Variants in TLDC2 observed in about 807,000 individuals in gnomAD.
TLDC2 encodes the protein TBC/LysM-associated domain containing 2, also known as TLD domain-containing protein 2.
In TLDC2, 23 loss-of-function variants were observed where a neutral mutation model predicts 27.9. That is an observed-to-expected ratio of 0.82 (90% CI 0.59 to 1.17). TLDC2 has a LOEUF of 1.17. Among genes scored for constraint, TLDC2 ranks in the 50% most tolerant of loss-of-function variants. The probability of loss-of-function intolerance (pLI) is 0.00; values close to 1 mark genes in which losing one functional copy is unlikely to be tolerated. For synonymous variants in TLDC2, 124 were observed against 107.4 expected, an observed-to-expected ratio of 1.16 and a Z score of -0.96; for missense variants, 286 against 273.4, an observed-to-expected ratio of 1.05 and a Z score of -0.32.
intron 4 of TLDC2, 42 bp downstream of exon 4, chr20:36,880,792 C>T (rs372361040): frequency 8.2e-6 from 13 of 1,577,562 alleles, no homozygotes; most frequent in South Asian, 3.3e-5. Context: ...GGGCGTGTGG[C>T]GAGACAAAGC....
At chr20:36,885,229 G>A (rs757038993) in intron 4 of TLDC2, among the ~76,000 whole-genome samples, 2 of 152,062 alleles carry the variant, frequency 1.3e-5, no homozygotes, top group Admixed American at 6.6e-5. Flanking sequence ...AAGTCAGTCC[G>A]TTGAGGCAGA....
In TLDC2 at chr20:36,880,755, T is replaced by A. The variant is rs780152005; in HGVS notation, c.438+5T>A. The A allele has an allele frequency of 6.2e-6, 10 of 1,613,358 alleles. No individual in the cohort carries two copies. The East Asian group carries it at 2.2e-4, about 36-fold the overall frequency. On this transcript the variant is annotated splice_donor_5th_base_variant and intron_variant, in intron 4 of 6. Coordinates refer to ENST00000217320, the MANE Select transcript of TLDC2 (RefSeq NM_080628.3). The stretch of plus-strand genomic sequence containing the variant: ...TCCTTCTCCCCACAGCTGAAGGTGA[T>A]GTTCCCAACCTTCCATGGGGGGAGT...
At chr20:36,883,543 C>T (rs1422927922) in intron 4 of TLDC2, among the ~76,000 whole-genome samples, 1 of 152,182 alleles carries the variant, frequency 6.6e-6, no homozygotes, top group East Asian at 1.9e-4. Flanking sequence ...ATGGCATCTC[C>T]ATCTCCCGCT....
At chr20:36,892,810 G>A in intron 6 of TLDC2, 52 bp from the exon 7 acceptor site, 1 of 1,236,936 alleles carries the variant, frequency 8.1e-7, no homozygotes, top group Admixed American at 1.7e-5. Context: ...GCTTCAGCAT[G>A]CGTGTACATT....
intron 3 of TLDC2, 110 bp downstream of exon 3, chr20:36,879,303 C>T (rs1290187098): frequency 1.5e-6 from 2 of 1,378,692 alleles, no homozygotes; most frequent in Non-Finnish European, 1.9e-6. Flanking sequence ...CAGACTAAGT[C>T]ACCTATAATG....
chr20:36,883,820 T>G lies in TLDC2; in HGVS notation c.438+3070T>G, dbSNP rs6016649. On this transcript the variant is annotated intron_variant, in intron 4 of 6. Coordinates refer to ENST00000217320, the MANE Select transcript of TLDC2 (RefSeq NM_080628.3). ...TTTAAAAGGGAAGCCAGGGCAGGGC[T>G]CAGTGGCTCATGCCTGTAATCCCAG... 3.7e-3 allele frequency among the ~76,000 whole-genome samples: 559 copies of G among 152,262 alleles called. 5 individuals are homozygous for G. Among genetic ancestry groups the G allele is most frequent in the African/African-American group, 0.013 (542 of 41,568 alleles).
chr20:36,887,051 G>T (rs900210238), intron 4 of TLDC2, among the ~76,000 whole-genome samples: 1 of 152,106 alleles, frequency 6.6e-6, no homozygotes, highest in Non-Finnish European at 1.5e-5. Flanking sequence ...GAGCTGCGAG[G>T]CTTGTTGATG....
chr20:36,880,001 A>G (rs1191578024), intron 3 of TLDC2, among the ~76,000 whole-genome samples: 1 of 144,788 alleles, frequency 6.9e-6, no homozygotes, highest in Non-Finnish European at 1.5e-5. Context: ...AGATGGCTTT[A>G]CTTTTTTTCT....
In TLDC2 at chr20:36,889,466, G is replaced by C; in HGVS notation, c.*17+63G>C. The C allele has an allele frequency of 2.6e-6, 4 of 1,538,010 alleles. No homozygotes were observed. In the South Asian group the frequency reaches 3.6e-5, roughly 14 times the overall value. Reference sequence around the variant, plus strand: ...TGACACACAGCAGCCTGTGCTGTTTGAAACACAGATGGTGAAGGGCCCTAG... The same window carrying C: ...TGACACACAGCAGCCTGTGCTGTTTCAAACACAGATGGTGAAGGGCCCTAG... On this transcript the variant is annotated intron_variant, in intron 6 of 6. Coordinates refer to ENST00000217320, the MANE Select transcript of TLDC2 (RefSeq NM_080628.3).
chr20:36,886,797 C>T (rs974577967), intron 4 of TLDC2, among the ~76,000 whole-genome samples: 23 of 152,154 alleles, frequency 1.5e-4, no homozygotes, highest in African/African-American at 4.8e-4. Flanking sequence ...TGAGCCACTG[C>T]GCCAGTCCCA....
chr20:36,878,301 A>C (rs562729180), intron 2 of TLDC2, among the ~76,000 whole-genome samples: 65 of 152,106 alleles, frequency 4.3e-4, no homozygotes, highest in Non-Finnish European at 8.2e-4. Flanking sequence ...AGAGGCTAGG[A>C]CGGGCGCGGT....
chr20:36,878,517 G>C (rs1044527409), intron 2 of TLDC2, among the ~76,000 whole-genome samples: 1 of 152,118 alleles, frequency 6.6e-6, no homozygotes, highest in Non-Finnish European at 1.5e-5. Flanking sequence ...GCAGGCGGAG[G>C]TTGCAGTGAG....
chr20:36,891,732 G>A (rs1990079079), intron 6 of TLDC2: 1 of 152,456 alleles, frequency 6.6e-6, no homozygotes, highest in Admixed American at 6.5e-5. Context: ...CTGTCACCCA[G>A]GCTGGAGTGC....
At chr20:36,881,379 CAA>C (rs11295785) in intron 4 of TLDC2, among the ~76,000 whole-genome samples, 65 of 118,570 alleles carry the variant, frequency 5.5e-4, no homozygotes, top group Non-Finnish European at 6.0e-4. Flanking sequence ...GACCCTGTCT[CAA>C]AAAAAAAAAA....
At chr20:36,887,745 G>A (rs1989954578) in intron 5 of TLDC2, among the ~76,000 whole-genome samples, 1 of 152,178 alleles carries the variant, frequency 6.6e-6, no homozygotes, top group African/African-American at 2.4e-5. Context: ...CCACTGAAGT[G>A]TTACAGCTGG....
chr20:36,886,525 G>A (rs1300709326), intron 4 of TLDC2, among the ~76,000 whole-genome samples: 2 of 152,286 alleles, frequency 1.3e-5, no homozygotes, highest in Middle Eastern at 6.8e-3. Context: ...CTCAGGAGGC[G>A]GAGGTTGCAG....
intron 4 of TLDC2, among the ~76,000 whole-genome samples, chr20:36,881,819 C>T (rs1327050400): frequency 2.6e-5 from 4 of 152,186 alleles, no homozygotes; most frequent in Non-Finnish European, 5.9e-5. Flanking sequence ...GGAGCAGTGA[C>T]AGCAGTTGGA....
chr20:36,878,943 A>C (rs1601094493), intron 2 of TLDC2, 98 bp from the exon 3 acceptor site: 40 of 1,570,182 alleles, frequency 2.5e-5, no homozygotes, highest in Non-Finnish European at 3.4e-5. Flanking sequence ...CCTGTAAAGC[A>C]CTGTGCTGGA....
chr20:36,884,701 TGAGC>T (rs58063792), intron 4 of TLDC2, among the ~76,000 whole-genome samples: 5,382 of 151,672 alleles, frequency 0.035, 325 homozygotes, highest in African/African-American at 0.12. Flanking sequence ...GAGGCTGCAG[TGAGC>T]TGTCATTGCT....
Sources: gnomAD v4.1 joint callset for allele counts (sites outside exome capture counted in the v4.1 genomes callset) on GRCh38, gnomAD v4.1.1 for gene constraint, MANE v1.5 for transcripts, NCBI Gene and HGNC (gene_info 2026-07-23, HGNC 2026-07-21) for gene names.